Variants in MYT1L observed in about 807,000 individuals in gnomAD.
MYT1L encodes the protein myelin transcription factor 1-like protein.
In MYT1L, 12 loss-of-function variants were observed where a neutral mutation model predicts 126.7. That is an observed-to-expected ratio of 0.09 (90% CI 0.06 to 0.15). MYT1L has a LOEUF of 0.15. Among genes scored for constraint, MYT1L ranks in the 10% least tolerant of loss-of-function variants. MYT1L has a pLI of 1.00. For missense variants in MYT1L, 979 were observed against 1,585.2 expected (o/e 0.62, Z 6.49); for synonymous variants, 541 against 604.2 (o/e 0.90, Z 1.53).
At chr2:2,095,636 T>A (rs1421500874) in intron 3 of MYT1L, among the ~76,000 whole-genome samples, 1 of 151,838 alleles carries the variant, frequency 6.6e-6, no homozygotes, top group Non-Finnish European at 1.5e-5. Flanking sequence ...GAGCAGTCGT[T>A]TTCCATCTGT....
chr2:1,938,652 C>T (rs1045753298), intron 9 of MYT1L, among the ~76,000 whole-genome samples: 3 of 152,168 alleles, frequency 2.0e-5, no homozygotes, highest in Admixed American at 2.0e-4. Flanking sequence ...TACCTATCCC[C>T]CACCTACAGA....
chr2:2,133,835 G>A (rs976548408), intron 3 of MYT1L, among the ~76,000 whole-genome samples: 1 of 152,104 alleles, frequency 6.6e-6, no homozygotes, highest in Admixed American at 6.5e-5. Flanking sequence ...ATGCCCGGGT[G>A]CTTAGGGACA....
chr2:1,985,274 G>C (rs375511986), intron 5 of MYT1L, among the ~76,000 whole-genome samples: 3 of 152,364 alleles, frequency 2.0e-5, no homozygotes, highest in East Asian at 1.9e-4. Context: ...GCAGGAGCCA[G>C]AGATCAGTCC....
In MYT1L at chr2:1,789,244, C is replaced by T. The variant is rs2031606315; in HGVS notation, c.*2623G>A. On this transcript the variant is annotated 3_prime_UTR_variant, in exon 25 of 25. Transcript: ENST00000647738. Reference sequence around the variant, plus strand: ...GAAGTATCACAGCAACTTGTGATTCCACACATTTATAGCAAAATTAAAGTG... The same window carrying T: ...GAAGTATCACAGCAACTTGTGATTCTACACATTTATAGCAAAATTAAAGTG... 6.6e-6 allele frequency: 1 copy of T among 152,132 alleles called. No individual in the cohort carries two copies. The highest frequency in any genetic ancestry group is 2.4e-5 in the African/African-American group (1 of 41,428). The allele number at this position is 152,132 out of a possible 1,614,324, so 9.4% of individuals were successfully genotyped here. A position where few individuals can be genotyped will look rare whatever the true frequency, so the allele number is the denominator to read the frequency against.
intron 1 of MYT1L, among the ~76,000 whole-genome samples, chr2:2,293,164 CAGGT>C (rs1317612474): frequency 6.6e-6 from 1 of 152,200 alleles, no homozygotes; most frequent in African/African-American, 2.4e-5. Context: ...TCGTTGACAT[CAGGT>C]GCCACTGGCC....
At chr2:2,090,692 C>T (rs796745016) in intron 3 of MYT1L, among the ~76,000 whole-genome samples, 29 of 152,322 alleles carry the variant, frequency 1.9e-4, no homozygotes, top group African/African-American at 7.0e-4. Context: ...CTCTGAGGCA[C>T]ATGATGCTGT....
intron 18 of MYT1L, among the ~76,000 whole-genome samples, chr2:1,866,957 AAG>A (rs201827038): frequency 0.018 from 2,010 of 113,520 alleles, 36 homozygotes; most frequent in Non-Finnish European, 0.028. Context: ...GAGAAACAGA[AAG>A]AGAGAGAGAG....
At chr2:2,098,517 A>C (rs1428277904) in intron 3 of MYT1L, among the ~76,000 whole-genome samples, 2 of 152,178 alleles carry the variant, frequency 1.3e-5, no homozygotes, top group Non-Finnish European at 2.9e-5. Flanking sequence ...CGTGCCTCCC[A>C]GAGAGGATTT....
At chr2:2,064,295 T>G (rs2070936557) in intron 3 of MYT1L, among the ~76,000 whole-genome samples, 1 of 152,324 alleles carries the variant, frequency 6.6e-6, no homozygotes, top group African/African-American at 2.4e-5. Context: ...TCAGACCCCC[T>G]GAGTACCTTG....
At chr2:2,275,555 G>A (rs1389130567) in intron 2 of MYT1L, among the ~76,000 whole-genome samples, 1 of 152,018 alleles carries the variant, frequency 6.6e-6, no homozygotes, top group African/African-American at 2.4e-5. Flanking sequence ...AGGTCGTATC[G>A]CACCTAGTGT....
rs1362605607 is a variant in MYT1L at position 1,889,235 on chromosome 2, A to G, written c.2520+6T>C. On this transcript the variant is annotated splice_donor_region_variant and intron_variant, in intron 16 of 24. Coordinates refer to ENST00000647738, the MANE Select transcript of MYT1L (RefSeq NM_001303052.2). This position sits in a 1 kb window ranked among gnomAD's most constrained non-coding sequence, Gnocchi z 4.1. The stretch of plus-strand genomic sequence containing the variant: ...AGTCAACACAGGCTCAATGAAAAGG[A>G]CATACAGTAATGTCTTTGGACTCGT... 1.2e-6 allele frequency: 2 copies of G among 1,611,362 alleles called. No individual in the cohort carries two copies. Among genetic ancestry groups the G allele is most frequent in the African/African-American group, 1.3e-5 (1 of 74,864 alleles).
At position 2,265,477 on chromosome 2, in the gene MYT1L, A is replaced by G. The variant is rs951089291; in HGVS notation, c.-421+18927T>C. On this transcript the variant is annotated intron_variant, in intron 2 of 24. Transcript: ENST00000647738. ...TTAATAAGTGCGAGTCCTTGAGCTC[A>G]AAGAGCTGCAGCCAGTGGCATGTGA... 5.3e-5 allele frequency among the ~76,000 whole-genome samples: 8 copies of G among 152,284 alleles called. No homozygotes were observed. In the East Asian group the frequency reaches 1.5e-3, roughly 29 times the overall value.
chr2:2,153,022 G>A lies in MYT1L; in HGVS notation c.-304+19850C>T, dbSNP rs953732320. On this transcript the variant is annotated intron_variant, in intron 3 of 24. Transcript: ENST00000647738. The stretch of plus-strand genomic sequence containing the variant: ...GAGCTAAAAAATATAAGAGGTCCAG[G>A]CATCATGGCTTGTGCCTGTAATCTC... Among the ~76,000 whole-genome samples the A allele has an allele frequency of 2.6e-5, 4 of 152,190 alleles. No individual in the cohort carries two copies. In the East Asian group the frequency reaches 7.7e-4, roughly 29 times the overall value.
intron 18 of MYT1L, among the ~76,000 whole-genome samples, chr2:1,867,874 G>A (rs1022893731): frequency 7.9e-5 from 12 of 152,166 alleles, no homozygotes; most frequent in Admixed American, 2.0e-4. Context: ...ATCTTATGGC[G>A]GGAGGGTGGG....
At chr2:2,202,780 A>G (rs184884068) in intron 2 of MYT1L, among the ~76,000 whole-genome samples, 26,215 of 151,956 alleles carry the variant, frequency 0.17, 2,418 homozygotes, top group African/African-American at 0.25. Flanking sequence ...TATGAGGCCA[A>G]CATCATCCTG....
intron 3 of MYT1L, among the ~76,000 whole-genome samples, chr2:2,100,127 A>G (rs2077888924): frequency 6.6e-6 from 1 of 152,206 alleles, no homozygotes; most frequent in Admixed American, 6.5e-5. Context: ...CTTAGGTTCA[A>G]TATGGAGACA....
chr2:2,152,999 G>A (rs1657355851), intron 3 of MYT1L, among the ~76,000 whole-genome samples: 1 of 152,116 alleles, frequency 6.6e-6, no homozygotes. Flanking sequence ...ATGCCACTGA[G>A]CTAAAAAATA....
intron 18 of MYT1L, among the ~76,000 whole-genome samples, chr2:1,868,738 C>T (rs2045912107): frequency 6.6e-6 from 1 of 152,198 alleles, no homozygotes; most frequent in East Asian, 1.9e-4. Context: ...ACGAGCGTTG[C>T]TATGGAGACA....
intron 3 of MYT1L, among the ~76,000 whole-genome samples, chr2:2,124,587 T>C (rs2081450350): frequency 1.3e-5 from 2 of 152,232 alleles, no homozygotes; most frequent in East Asian, 3.8e-4. Context: ...TGAGCCACCC[T>C]GCCTGGCCCA....
Sources: allele counts gnomAD v4.1 joint callset (sites outside exome capture counted in the v4.1 genomes callset), GRCh38; gene constraint gnomAD v4.1.1; non-coding constraint Gnocchi (gnomAD v3.1); transcripts MANE v1.5; gene names NCBI Gene and HGNC (gene_info 2026-07-23, HGNC 2026-07-21).